PHACTR1: variants seen among roughly 807,000 people sequenced by gnomAD.
The protein encoded by PHACTR1 is RPEL repeat containing 1.
In PHACTR1, 16 loss-of-function variants were observed where a neutral mutation model predicts 69.2. That is an observed-to-expected ratio of 0.23 (90% CI 0.16 to 0.35). The LOEUF is 0.35. Among genes scored for constraint, PHACTR1 ranks in the 10% least tolerant of loss-of-function variants. PHACTR1 has a pLI of 1.00. For missense variants in PHACTR1, 510 were observed against 734.7 expected (o/e 0.69, Z 3.54); for synonymous variants, 312 against 284.5 (o/e 1.10, Z -0.97).
intron 6 of PHACTR1, among the ~76,000 whole-genome samples, chr6:13,177,335 CTCTGTCTG>C (rs534824216): frequency 1.3e-5 from 2 of 151,708 alleles, no homozygotes; most frequent in African/African-American, 4.8e-5. Flanking sequence ...GCAAGACACT[CTCTGTCTG>C]TCTGTCTGTC....
At chr6:12,816,771 A>T (rs980703907) in intron 4 of PHACTR1, among the ~76,000 whole-genome samples, 4 of 152,234 alleles carry the variant, frequency 2.6e-5, no homozygotes, top group African/African-American at 9.6e-5. Flanking sequence ...TGTGTTGACA[A>T]GTGTCAAAAG....
At chr6:12,759,302 T>C (rs1270423980) in intron 4 of PHACTR1, among the ~76,000 whole-genome samples, 4 of 152,050 alleles carry the variant, frequency 2.6e-5, no homozygotes, top group Non-Finnish European at 5.9e-5. Flanking sequence ...CCCTTGCCAC[T>C]CCACTCCACT....
chr6:12,733,221 G>A (rs945968305), intron 3 of PHACTR1, among the ~76,000 whole-genome samples: 35 of 152,144 alleles, frequency 2.3e-4, no homozygotes, highest in African/African-American at 7.7e-4. Flanking sequence ...TACAATAATA[G>A]GACATCAGAG....
intron 4 of PHACTR1, among the ~76,000 whole-genome samples, chr6:12,916,949 A>G (rs1261201423): frequency 1.3e-5 from 2 of 152,222 alleles, no homozygotes; most frequent in Admixed American, 6.5e-5. Context: ...TCAACATATC[A>G]GCATTCAAGG....
chr6:12,803,813 C>A lies in PHACTR1; in HGVS notation c.250+54023C>A, dbSNP rs554257134. Among the ~76,000 whole-genome samples, 20 of 152,232 alleles carry A rather than the reference C, an allele frequency of 1.3e-4. No individual in the cohort carries two copies. In the South Asian group the frequency reaches 3.9e-3, roughly 30 times the overall value. On this transcript the variant is annotated intron_variant, in intron 4 of 14. Transcript: ENST00000332995. ...ACCAGATGCCAGTAGCAGGGCATTC[C>A]CAGTTGTGACAAACAAAAAAATTTC...
chr6:13,240,019 G>T (rs1453697448), intron 10 of PHACTR1, among the ~76,000 whole-genome samples: 1 of 150,972 alleles, frequency 6.6e-6, no homozygotes, highest in Non-Finnish European at 1.5e-5. Context: ...GAACACAATC[G>T]ATCTTAGTGT....
chr6:13,028,965 GGGAA>G (rs1240720758), intron 4 of PHACTR1, among the ~76,000 whole-genome samples: 9 of 152,188 alleles, frequency 5.9e-5, no homozygotes, highest in Non-Finnish European at 1.2e-4. Flanking sequence ...CACTGGCAGA[GGGAA>G]GGAAGGAAGA....
intron 4 of PHACTR1, among the ~76,000 whole-genome samples, chr6:12,810,758 C>T (rs1774927311): frequency 6.6e-6 from 1 of 152,220 alleles, no homozygotes; most frequent in Non-Finnish European, 1.5e-5. Context: ...TACCAACTAC[C>T]TCCATGTGTC....
At chr6:13,080,495 G>T (rs989849820) in intron 5 of PHACTR1, among the ~76,000 whole-genome samples, 1 of 152,074 alleles carries the variant, frequency 6.6e-6, no homozygotes, top group Non-Finnish European at 1.5e-5. Context: ...GATTTGCTTC[G>T]GCAAAGTCTT....
intron 5 of PHACTR1, among the ~76,000 whole-genome samples, chr6:13,083,606 C>T (rs1053322545): frequency 1.3e-5 from 2 of 152,050 alleles, no homozygotes; most frequent in African/African-American, 2.4e-5. Context: ...TTGTTTGTAT[C>T]CTCTTTTATT....
chr6:12,933,134 C>G (rs1789049795), intron 4 of PHACTR1, among the ~76,000 whole-genome samples: 1 of 151,874 alleles, frequency 6.6e-6, no homozygotes, highest in Non-Finnish European at 1.5e-5. Context: ...TGTGGTTTAG[C>G]CATGTTGGCC....
chr6:12,931,599 G>T (rs1788878855), intron 4 of PHACTR1, among the ~76,000 whole-genome samples: 1 of 152,052 alleles, frequency 6.6e-6, no homozygotes, highest in Non-Finnish European at 1.5e-5. Flanking sequence ...GGATTGATGG[G>T]TGAATGAGTA....
intron 4 of PHACTR1, among the ~76,000 whole-genome samples, chr6:13,002,157 G>A (rs1798167327): frequency 6.6e-6 from 1 of 152,130 alleles, no homozygotes; most frequent in Non-Finnish European, 1.5e-5. Context: ...AGATCATTTT[G>A]GAGAGCACAG....
At chr6:13,255,414 C>A (rs189250743) in intron 10 of PHACTR1, among the ~76,000 whole-genome samples, 4 of 152,140 alleles carry the variant, frequency 2.6e-5, no homozygotes, top group African/African-American at 9.6e-5. Flanking sequence ...TGGCGCCTCC[C>A]AAATCTCATG....
At chr6:12,933,453 G>C (rs1300978647) in intron 4 of PHACTR1, among the ~76,000 whole-genome samples, 1 of 152,096 alleles carries the variant, frequency 6.6e-6, no homozygotes, top group Non-Finnish European at 1.5e-5. Flanking sequence ...ATAACATAAG[G>C]ATCCAAATGA....
At chr6:12,794,566 A>G (rs1281042218) in intron 4 of PHACTR1, among the ~76,000 whole-genome samples, 2 of 152,248 alleles carry the variant, frequency 1.3e-5, no homozygotes, top group Non-Finnish European at 2.9e-5. Context: ...TTTTGATACT[A>G]CATTTTACTT....
At chr6:13,234,131 G>GCACCCATCATC (rs1330347170) in intron 10 of PHACTR1, among the ~76,000 whole-genome samples, 122 of 152,176 alleles carry the variant, frequency 8.0e-4, no homozygotes, top group Non-Finnish European at 6.8e-4. Context: ...TGTGCTTCTA[G>GCACCCATCATC]CCACCCATTC....
chr6:13,195,595 T>A (rs1166708006), intron 7 of PHACTR1, among the ~76,000 whole-genome samples: 4 of 151,598 alleles, frequency 2.6e-5, no homozygotes, highest in Non-Finnish European at 5.9e-5. Context: ...CCATCTCTAC[T>A]GAAACTACAA....
chr6:12,722,943 T>C (rs1334967475), intron 3 of PHACTR1, among the ~76,000 whole-genome samples: 1 of 152,210 alleles, frequency 6.6e-6, no homozygotes, highest in Non-Finnish European at 1.5e-5. Flanking sequence ...AAATATCATG[T>C]CTTGGCATCA....
Sources: gnomAD v4.1 joint callset for allele counts (sites outside exome capture counted in the v4.1 genomes callset) on GRCh38, gnomAD v4.1.1 for gene constraint, MANE v1.5 for transcripts, NCBI Gene and HGNC (gene_info 2026-07-23, HGNC 2026-07-21) for gene names.